RUFY2: variants seen among roughly 807,000 people sequenced by gnomAD.
RUFY2 encodes RUN and FYVE domain containing 2.
A neutral mutation model predicts 94.4 loss-of-function variants in RUFY2; 49 were observed. That is an observed-to-expected ratio of 0.52 (90% confidence interval 0.41 to 0.66). RUFY2 has a LOEUF of 0.66. Among genes scored for constraint, RUFY2 ranks in the 30% least tolerant of loss-of-function variants. RUFY2 has a pLI of 0.00. For missense variants in RUFY2, 541 were observed against 692.8 expected (o/e 0.78, Z 2.46); for synonymous variants, 255 against 235.7 (o/e 1.08, Z -0.75).
chr10:68,341,986 G>A (rs766648538), downstream of RUFY2: 32 of 1,613,856 alleles, frequency 2.0e-5, no homozygotes, highest in Non-Finnish European at 2.5e-5. Context: ...AGGCCGTGGT[G>A]GTGGAGGCAG....
chr10:68,398,261 C>T (rs1309971353), intron 3 of RUFY2, among the ~76,000 whole-genome samples: 3 of 151,756 alleles, frequency 2.0e-5, no homozygotes, highest in Admixed American at 1.3e-4. Context: ...AAAGAGAAAT[C>T]ACTGTGCTGC....
chr10:68,376,489 T>TATATATATATATATATATATATC (rs58358117), intron 13 of RUFY2, among the ~76,000 whole-genome samples: 3 of 51,836 alleles, frequency 5.8e-5, no homozygotes, highest in Non-Finnish European at 1.2e-4. Flanking sequence ...TATATATATA[T>TATATATATATATATATATATATC]ATTCTCAGAA....
chr10:68,391,770 G>A (rs1369926696), intron 7 of RUFY2, among the ~76,000 whole-genome samples: 2 of 151,614 alleles, frequency 1.3e-5, no homozygotes, highest in African/African-American at 4.8e-5. Flanking sequence ...GACCAGCCTG[G>A]TCAACATGGT....
At chr10:68,378,125 C>A (rs756346266) in intron 12 of RUFY2, 2 of 985,518 alleles carry the variant, frequency 2.0e-6, no homozygotes, top group Non-Finnish European at 2.4e-6. Context: ...AGGGTGTTGG[C>A]CAGTCTGGGT....
chr10:68,379,856 G>A (rs1465186314), intron 11 of RUFY2, among the ~76,000 whole-genome samples: 1 of 150,190 alleles, frequency 6.7e-6, no homozygotes, highest in African/African-American at 2.5e-5. Flanking sequence ...CGCCCAGGCT[G>A]GAGTGCAGTG....
chr10:68,359,695 G>A (rs1310763855), intron 15 of RUFY2, among the ~76,000 whole-genome samples: 1 of 149,336 alleles, frequency 6.7e-6, no homozygotes, highest in Admixed American at 6.7e-5. Flanking sequence ...GGGAGGCTGA[G>A]ACAGCAGAAT....
intron 3 of RUFY2, among the ~76,000 whole-genome samples, chr10:68,398,126 CAAAAAA>C (rs377600173): frequency 3.4e-4 from 22 of 65,042 alleles, no homozygotes; most frequent in African/African-American, 5.9e-4. Context: ...GATTTGTTCT[CAAAAAA>C]AAAAAAAAAA....
rs1047786267 is a variant in RUFY2, at chr10:68,394,397, A to C, written c.453T>G (p.Val151=). ...TCACATTCAGGCCAACCAGCAGCCC[A>C]ACAATTACTGCTCCTTCTTCTTCCA... The part of the protein sequence containing the change: ...LMMEEEGAVI[V]GLLVGLNVID... Residue 151 remains valine, a synonymous_variant, in exon 5 of 18, where the codon GTT becomes GTG. Transcript: ENST00000602465. The C allele has an allele frequency of 3.1e-6, 5 of 1,613,776 alleles. No individual in the cohort carries two copies. Among genetic ancestry groups the C allele is most frequent in the Non-Finnish European group, 4.2e-6 (5 of 1,179,724 alleles).
chr10:68,394,906 G>A (rs2050275857), intron 4 of RUFY2, among the ~76,000 whole-genome samples: 1 of 151,904 alleles, frequency 6.6e-6, no homozygotes, highest in African/African-American at 2.4e-5. Flanking sequence ...TGGGATTACA[G>A]GCGTGAGCCA....
At position 68,378,700 on chromosome 10, in the gene RUFY2, A is replaced by G. The variant is rs747650819; in HGVS notation, c.1205+724T>C. ...ATAATGGAATGGAAAGAAATCAAAG[A>G]CAGAAAAAGGTAATAAAAATGTCCA... On this transcript the variant is annotated intron_variant, in intron 12 of 17. Coordinates refer to ENST00000602465, the MANE Select transcript of RUFY2 (RefSeq NM_001330103.2). 6 of 1,565,758 alleles carry G rather than the reference A, an allele frequency of 3.8e-6. No homozygotes were observed. The African/African-American group carries it at 5.4e-5, about 14-fold the overall frequency.
intron 13 of RUFY2, among the ~76,000 whole-genome samples, chr10:68,372,501 G>A (rs1454646035): frequency 6.6e-6 from 1 of 151,292 alleles, no homozygotes; most frequent in African/African-American, 2.4e-5. Flanking sequence ...CATTGCTTGA[G>A]CCCAGGAGCT....
intron 4 of RUFY2, among the ~76,000 whole-genome samples, chr10:68,395,328 A>C (rs1200953132): frequency 6.7e-6 from 1 of 149,982 alleles, no homozygotes; most frequent in Non-Finnish European, 1.5e-5. Flanking sequence ...ACAGAACAAG[A>C]CTCCATCTCA....
At chr10:68,390,708 C>T (rs768387866) in intron 7 of RUFY2, among the ~76,000 whole-genome samples, 36 of 151,908 alleles carry the variant, frequency 2.4e-4, no homozygotes, top group Non-Finnish European at 4.3e-4. Context: ...GTGATCCTCT[C>T]GCCTCAGCCT....
chr10:68,393,150 T>C lies in RUFY2; in HGVS notation c.638A>G (p.Asn213Ser). 1.3e-6 allele frequency: 2 copies of C among 1,529,560 alleles called. No individual in the cohort carries two copies. The highest frequency in any genetic ancestry group is 1.8e-6 in the Non-Finnish European group (2 of 1,113,270). 94.7% of individuals were successfully genotyped at this position (1,529,560 alleles called of 1,614,324 possible). ...CCATAATACTTACTTCAGTTGTCTA[T>C]TTAATTCTTCAACATAATTCTTTTG... ...LDQKNYVEELNRQLNSTVSSL... is the reference protein window; with the variant it reads ...LDQKNYVEELSRQLNSTVSSL... The change falls in exon 7 of 18, where the codon AAT becomes AGT. Residue 213 changes from asparagine to serine, a missense_variant. Transcript: ENST00000602465.
chr10:68,345,907 T>A lies in RUFY2; in HGVS notation c.1682A>T (p.His561Leu). ...KEFSLSKRKH[H>L]CRNCGEIFCN... Reference sequence around the variant, plus strand: ...GAAAATTTCCCCACAATTTCTACAGTGGTGCTATTAAACAGAAAAATCAGA... The same window carrying A: ...GAAAATTTCCCCACAATTTCTACAGAGGTGCTATTAAACAGAAAAATCAGA... Residue 561 changes from histidine to leucine, a missense_variant, in exon 18 of 18, where the codon CAC (histidine) becomes CTC (leucine). His to Leu is a moderately conservative substitution (Grantham distance 99). This residue lies in a region of RUFY2 where 403 missense variants were observed against 480.7 expected (regional missense o/e 0.84). Transcript: ENST00000602465. The A allele has an allele frequency of 6.2e-7, 1 of 1,613,936 alleles. No homozygotes were observed. The highest frequency in any genetic ancestry group is 8.5e-7 in the Non-Finnish European group (1 of 1,179,958).
Position 68,396,762 on chromosome 10 carries a change from C to T in RUFY2, c.398+18G>A, listed in dbSNP as rs754532382. The T allele has an allele frequency of 4.4e-5, 67 of 1,525,232 alleles. No homozygotes were observed. The highest frequency in any genetic ancestry group is 5.5e-5 in the Non-Finnish European group (61 of 1,105,594). 94.5% of individuals were successfully genotyped at this position (1,525,232 alleles called of 1,614,324 possible). On this transcript the variant is annotated intron_variant, in intron 4 of 17. Transcript: ENST00000602465. The stretch of plus-strand genomic sequence containing the variant: ...AATAAAATAAAAAATGAAAAGATCA[C>T]GACTTAATAGTACTAACCTCAAGAG...
chr10:68,353,745 A>G (rs537803536), intron 16 of RUFY2, among the ~76,000 whole-genome samples: 5 of 151,690 alleles, frequency 3.3e-5, no homozygotes, highest in African/African-American at 1.2e-4. Flanking sequence ...ACTGCAGTGA[A>G]CTATGATTGT....
chr10:68,398,961 T>C (rs542384227), intron 3 of RUFY2, among the ~76,000 whole-genome samples: 1 of 152,324 alleles, frequency 6.6e-6, no homozygotes, highest in South Asian at 2.1e-4. Context: ...AAATTCTGTT[T>C]TTCCTCTTTG....
In RUFY2 at chr10:68,354,269, C is replaced by G. The variant is rs143582647; in HGVS notation, c.1599+1084G>C. ...AAGGCTCCCTGCAGCCTCGACCTCC[C>G]AGGCTCAAGCAATCCTCCCACCTCA... On this transcript the variant is annotated intron_variant, in intron 16 of 17. Coordinates refer to ENST00000602465, the MANE Select transcript of RUFY2 (RefSeq NM_001330103.2). Among the ~76,000 whole-genome samples the G allele has an allele frequency of 3.0e-3, 452 of 152,166 alleles. 2 individuals are homozygous for G. The highest frequency in any genetic ancestry group is 0.01 in the African/African-American group (418 of 41,512).
Sources: allele counts gnomAD v4.1 joint callset (sites outside exome capture counted in the v4.1 genomes callset), GRCh38; gene constraint gnomAD v4.1.1; regional missense constraint gnomAD v4.1.1; transcripts MANE v1.5; gene names NCBI Gene and HGNC (gene_info 2026-07-23, HGNC 2026-07-21).